IGHMBP2: variants seen among roughly 807,000 people sequenced by gnomAD.
IGHMBP2 encodes immunoglobulin mu DNA binding protein 2, also known as DNA-binding protein SMUBP-2.
A neutral mutation model predicts 96.0 loss-of-function variants in IGHMBP2; 81 were observed. The ratio of observed to expected loss-of-function variants is 0.84; its 90% confidence interval spans 0.71 to 1.01. IGHMBP2 has a LOEUF of 1.01. IGHMBP2 is among the 50% of genes least tolerant of loss of function. The pLI is 0.00. For missense variants in IGHMBP2, 1,227 were observed against 1,306.3 expected, an observed-to-expected ratio of 0.94 and a Z score of 0.94; for synonymous variants, 557 against 548.9, an observed-to-expected ratio of 1.01 and a Z score of -0.21.
At position 68,936,543 on chromosome 11, in the gene IGHMBP2, C is replaced by A; in HGVS notation, c.2063C>A (p.Ala688Glu). ...QRQEGGQEAA[A>E]PARQGRKKPA... ...CAGGAGGGAGGCCAGGAGGCTGCAG[C>A]ACCTGCCAGACAGGGCCGGAAGAAG... The change falls in exon 13 of 15, where the codon GCA becomes GAA. Residue 688 changes from alanine (A) to glutamate (E), a missense_variant. This residue lies in a region of IGHMBP2 where 703 missense variants were observed against 770.3 expected (regional missense o/e 0.91). Coordinates refer to ENST00000255078, the MANE Select transcript of IGHMBP2 (RefSeq NM_002180.3). 6.2e-7 allele frequency: 1 copy of A among 1,612,836 alleles called. No homozygotes were observed. Among genetic ancestry groups the A allele is most frequent in the Non-Finnish European group, 8.5e-7 (1 of 1,179,580 alleles).
rs112575423 is a variant in IGHMBP2 at position 68,933,499 on chromosome 11, A to C, written c.1418+18A>C. ...CTCCTGAGGTGAGTAGCTCGGCACCACCCGCCGCCCCATCCTTCTGCCCTG... is the reference window on the plus strand; with the variant it reads ...CTCCTGAGGTGAGTAGCTCGGCACCCCCCGCCGCCCCATCCTTCTGCCCTG... On this transcript the variant is annotated intron_variant, in intron 9 of 14. Transcript: ENST00000255078. 1 of 1,603,374 alleles carries C rather than the reference A, an allele frequency of 6.2e-7. No individual in the cohort carries two copies.
chr11:68,931,986 G>T (rs192323245), intron 8 of IGHMBP2, among the ~76,000 whole-genome samples: 1 of 148,806 alleles, frequency 6.7e-6, no homozygotes, highest in Non-Finnish European at 1.5e-5. Context: ...GGGGGAAGAC[G>T]TTGGGTGGTG....
intron 6 of IGHMBP2, among the ~76,000 whole-genome samples, chr11:68,916,912 C>T (rs1014728180): frequency 1.3e-4 from 19 of 151,082 alleles, no homozygotes; most frequent in African/African-American, 4.6e-4. Context: ...TAAAATACCT[C>T]CTGTCACCCC....
rs557374685 is a variant in IGHMBP2 at position 68,904,489 on chromosome 11, C to G, written c.86+451C>G. On this transcript the variant is annotated intron_variant, in intron 1 of 14. Transcript: ENST00000255078. ...GAGAGTCCCTTCCCCTCCAGTGCGT[C>G]CAGGGCCGGCTGCGTGCGTGTCGCG... Among the ~76,000 whole-genome samples the G allele has an allele frequency of 1.4e-3, 212 of 152,294 alleles. 1 individual carries two copies. Among genetic ancestry groups the G allele is most frequent in the Non-Finnish European group, 2.0e-3 (137 of 68,036 alleles).
chr11:68,911,663 G>C (rs1464978468), intron 5 of IGHMBP2, 60 bp downstream of exon 5: 3 of 1,532,948 alleles, frequency 2.0e-6, no homozygotes, highest in Non-Finnish European at 9.0e-7. Flanking sequence ...GTTGTGTTCA[G>C]TGGGTGCTCA....
At chr11:68,909,189 G>T (rs1251373408) in intron 4 of IGHMBP2, among the ~76,000 whole-genome samples, 5 of 43,874 alleles carry the variant, frequency 1.1e-4, no homozygotes, top group African/African-American at 1.9e-4. Context: ...GGGGGGTGGA[G>T]GGGGGGGGCG....
At chr11:68,928,730 A>ACGCTTGGGGTCAC (rs1566439160) in intron 7 of IGHMBP2, among the ~76,000 whole-genome samples, 64 of 152,218 alleles carry the variant, frequency 4.2e-4, no homozygotes, top group African/African-American at 1.4e-3. Context: ...GCGTCCCAGG[A>ACGCTTGGGGTCAC]AGGAAAAGCT....
chr11:68,918,641 C>T (rs1858763035), intron 7 of IGHMBP2, among the ~76,000 whole-genome samples: 2 of 151,034 alleles, frequency 1.3e-5, no homozygotes, highest in South Asian at 4.2e-4. Flanking sequence ...GACTCCGCCT[C>T]AAAAAAATAA....
Position 68,936,815 on chromosome 11 carries a change from T to C in IGHMBP2, c.2335T>C (p.Phe779Leu). 6.2e-7 allele frequency: 1 copy of C among 1,613,584 alleles called. No individual in the cohort carries two copies. Among genetic ancestry groups the C allele is most frequent in the Non-Finnish European group, 8.5e-7 (1 of 1,179,978 alleles). The change falls in exon 13 of 15, where the codon TTC (phenylalanine) becomes CTC (leucine). Residue 779 changes from phenylalanine to leucine, a missense_variant. This residue lies in a region of IGHMBP2 where 703 missense variants were observed against 770.3 expected (regional missense o/e 0.91). Transcript: ENST00000255078. ...CAGTTCCGGGGAAGGGAAGAGGAGG[T>C]TCATCACTGTGAGCAAGAGGGCCCC... ...HDSSGEGKRR[F>L]ITVSKRAPRP...
intron 4 of IGHMBP2, among the ~76,000 whole-genome samples, chr11:68,910,138 G>A (rs985185004): frequency 6.6e-6 from 1 of 152,218 alleles, no homozygotes. Flanking sequence ...CCAGTGTTGT[G>A]TTAGCTTCAA....
chr11:68,929,473 C>T (rs1287269865), intron 8 of IGHMBP2, 116 bp downstream of exon 8: 9 of 952,634 alleles, frequency 9.4e-6, no homozygotes, highest in Middle Eastern at 2.9e-4. Flanking sequence ...CTCGGTTTCT[C>T]GGCACAGCTC....
At chr11:68,909,956 G>C (rs1376119705) in intron 4 of IGHMBP2, among the ~76,000 whole-genome samples, 1 of 152,180 alleles carries the variant, frequency 6.6e-6, no homozygotes, top group Non-Finnish European at 1.5e-5. Flanking sequence ...GTCCTTTGCT[G>C]TTCTTGGAGA....
chr11:68,918,818 C>T (rs965666820), intron 7 of IGHMBP2, among the ~76,000 whole-genome samples: 19 of 152,148 alleles, frequency 1.2e-4, no homozygotes, highest in Admixed American at 5.2e-4. Flanking sequence ...CTGCAGGTTT[C>T]AATTGATCTT....
intron 11 of IGHMBP2, 24 bp from the exon 12 acceptor site, chr11:68,935,275 A>G (rs1859479494): frequency 8.7e-6 from 14 of 1,613,246 alleles, no homozygotes; most frequent in Non-Finnish European, 1.1e-5. Flanking sequence ...GGGTGAGGAA[A>G]CCACAGCCCG....
intron 2 of IGHMBP2, among the ~76,000 whole-genome samples, chr11:68,907,384 G>A (rs1194294836): frequency 1.3e-5 from 2 of 152,198 alleles, no homozygotes; most frequent in African/African-American, 4.8e-5. Flanking sequence ...CCTTTCTTGT[G>A]CCAAGCATGC....
chr11:68,913,669 A>G (rs1159181253), intron 5 of IGHMBP2, among the ~76,000 whole-genome samples: 1 of 150,520 alleles, frequency 6.6e-6, no homozygotes, highest in Non-Finnish European at 1.5e-5. Context: ...CTGTTATCCT[A>G]GCGCTTTGGG....
intron 7 of IGHMBP2, among the ~76,000 whole-genome samples, chr11:68,922,346 C>G (rs1858910018): frequency 1.3e-5 from 2 of 151,810 alleles, no homozygotes; most frequent in African/African-American, 4.8e-5. Flanking sequence ...ATGATGCTTT[C>G]TTTATCACTG....
At chr11:68,909,592 T>TA (rs1858351077) in intron 4 of IGHMBP2, among the ~76,000 whole-genome samples, 2 of 152,292 alleles carry the variant, frequency 1.3e-5, no homozygotes, top group African/African-American at 4.8e-5. Context: ...AAGCTGATCA[T>TA]ACTTTATGCT....
In IGHMBP2 at chr11:68,936,795, C is replaced by G; in HGVS notation, c.2315C>G (p.Ser772Cys). The G allele has an allele frequency of 6.2e-7, 1 of 1,614,034 alleles. No homozygotes were observed. Among genetic ancestry groups the G allele is most frequent in the Non-Finnish European group, 8.5e-7 (1 of 1,180,014 alleles). ...GAGCACGGGCTGAGGCACGACAGTT[C>G]CGGGGAAGGGAAGAGGAGGTTCATC... Reference protein sequence around the residue: ...AEEHGLRHDSSGEGKRRFITV... With the variant: ...AEEHGLRHDSCGEGKRRFITV... The change falls in exon 13 of 15, where the codon TCC (serine) becomes TGC (cysteine). Residue 772 changes from serine (S) to cysteine (C), a missense_variant. This residue lies in a region of IGHMBP2 where 703 missense variants were observed against 770.3 expected (regional missense o/e 0.91). Coordinates refer to ENST00000255078, the MANE Select transcript of IGHMBP2 (RefSeq NM_002180.3).
Sources: gnomAD v4.1 joint callset for allele counts (sites outside exome capture counted in the v4.1 genomes callset) on GRCh38, gnomAD v4.1.1 for gene constraint, gnomAD v4.1.1 regional missense constraint, MANE v1.5 for transcripts, NCBI Gene and HGNC (gene_info 2026-07-23, HGNC 2026-07-21) for gene names.